The following WRN variants were observed in gnomAD, a reference collection of about 807,000 sequenced individuals.
The protein encoded by WRN is bifunctional 3'-5' exonuclease/ATP-dependent helicase WRN.
In WRN, 149 loss-of-function variants were observed where a neutral mutation model predicts 180.7. The observed-to-expected ratio is 0.82, with a 90% CI of 0.72 to 0.94. WRN has a LOEUF of 0.94. WRN is among the 40% of genes least tolerant of loss of function. The pLI, the probability that WRN is intolerant of heterozygous loss-of-function variation, is 0.00. For synonymous variants in WRN, 548 were observed against 568.9 expected (o/e 0.96, Z 0.52); for missense variants, 1,661 against 1,700.1 (o/e 0.98, Z 0.40).
In WRN at chr8:31,173,687, T is replaced by G. The variant is rs865888193; in HGVS notation, c.*585T>G. ...ATGGAGACCAATTGCACTAGGCAAG[T>G]GTATATTTTGTATTTTATATACAAT... is the stretch of plus-strand genomic sequence containing the variant. On this transcript the variant is annotated 3_prime_UTR_variant, in exon 35 of 35. Coordinates refer to ENST00000298139, the MANE Select transcript of WRN (RefSeq NM_000553.6). 1 of 164,138 alleles carries G rather than the reference T, an allele frequency of 6.1e-6. No individual in the cohort carries two copies. The highest frequency in any genetic ancestry group is 1.3e-5 in the Non-Finnish European group (1 of 75,386). 10.2% of individuals were successfully genotyped at this position (164,138 alleles called of 1,614,324 possible).
At chr8:31,122,108 T>A (rs1801745960) in intron 21 of WRN, among the ~76,000 whole-genome samples, 1 of 152,026 alleles carries the variant, frequency 6.6e-6, no homozygotes, top group Non-Finnish European at 1.5e-5. Context: ...AATGGTTATC[T>A]CATTAAGATT....
At chr8:31,102,064 T>C (rs1304411490) in intron 18 of WRN, among the ~76,000 whole-genome samples, 1 of 152,186 alleles carries the variant, frequency 6.6e-6, no homozygotes, top group Non-Finnish European at 1.5e-5. Flanking sequence ...AGTTTATTCC[T>C]ATTTCTCTAG....
chr8:31,057,510 G>C (rs1024905711), intron 1 of WRN, among the ~76,000 whole-genome samples: 1 of 152,110 alleles, frequency 6.6e-6, no homozygotes, highest in Non-Finnish European at 1.5e-5. Context: ...GGCAGATCTT[G>C]CAGAGAGCTG....
intron 29 of WRN, 85 bp from the exon 30 acceptor site, chr8:31,147,279 A>G: frequency 6.8e-7 from 1 of 1,473,604 alleles, no homozygotes; most frequent in Non-Finnish European, 9.5e-7. Flanking sequence ...TCTAAGGAAA[A>G]ATGTGGTATC....
intron 23 of WRN, among the ~76,000 whole-genome samples, chr8:31,127,189 TATA>T (rs1801959807): frequency 6.6e-6 from 1 of 152,194 alleles, no homozygotes; most frequent in South Asian, 2.1e-4. Context: ...ATTCCATTTA[TATA>T]ATAGTCTTTG....
At chr8:31,041,493 G>A (rs1278005137) in intron 1 of WRN, among the ~76,000 whole-genome samples, 1 of 152,112 alleles carries the variant, frequency 6.6e-6, no homozygotes, top group Non-Finnish European at 1.5e-5. Flanking sequence ...AAATATCTGG[G>A]CACCCCATGG....
intron 33 of WRN, among the ~76,000 whole-genome samples, chr8:31,158,968 T>C (rs747027109): frequency 1.4e-4 from 22 of 152,012 alleles, no homozygotes; most frequent in Admixed American, 4.6e-4. Flanking sequence ...ATGTTCTTAC[T>C]TACAAGCAGG....
intron 17 of WRN, among the ~76,000 whole-genome samples, chr8:31,097,277 G>A (rs1053100371): frequency 3.3e-5 from 5 of 151,924 alleles, no homozygotes; most frequent in Admixed American, 1.3e-4. Flanking sequence ...TAGTGGTTTT[G>A]TACCCTCTTT....
At chr8:31,152,142 TAA>T (rs763791351) in intron 31 of WRN, among the ~76,000 whole-genome samples, 3 of 152,070 alleles carry the variant, frequency 2.0e-5, no homozygotes, top group African/African-American at 4.8e-5. Flanking sequence ...TAATCTGAAA[TAA>T]TACTCTTAGG....
intron 1 of WRN, among the ~76,000 whole-genome samples, chr8:31,053,853 A>G (rs2129978363): frequency 1.3e-5 from 2 of 152,356 alleles, no homozygotes; most frequent in Admixed American, 1.3e-4. Context: ...ACAAAGCTTT[A>G]GTATTATTTT....
intron 1 of WRN, among the ~76,000 whole-genome samples, chr8:31,057,737 A>G (rs949999633): frequency 1.3e-5 from 2 of 151,578 alleles, no homozygotes; most frequent in Non-Finnish European, 2.9e-5. Flanking sequence ...CAAAACAAAT[A>G]TGTTCTGTTT....
chr8:31,067,417 C>A (rs1237676329), intron 6 of WRN, among the ~76,000 whole-genome samples: 2 of 152,000 alleles, frequency 1.3e-5, no homozygotes, highest in African/African-American at 4.8e-5. Context: ...GTCATGAAGC[C>A]AAATTAATGT....
intron 32 of WRN, among the ~76,000 whole-genome samples, chr8:31,155,902 TAAATA>T (rs1279317954): frequency 6.6e-6 from 1 of 152,220 alleles, no homozygotes; most frequent in Admixed American, 6.5e-5. Context: ...TCATTTAAAA[TAAATA>T]AGAATAAACA....
At chr8:31,062,350 G>A (rs938929297) in intron 3 of WRN, among the ~76,000 whole-genome samples, 4 of 151,158 alleles carry the variant, frequency 2.6e-5, no homozygotes, top group African/African-American at 9.7e-5. Flanking sequence ...AACAACAATA[G>A]ATAACAATAT....
At position 31,085,161 on chromosome 8, in the gene WRN, T is replaced by A. The variant is rs1813480093; in HGVS notation, c.1351-5T>A. 7.4e-6 allele frequency: 12 copies of A among 1,612,196 alleles called. No individual in the cohort carries two copies. The highest frequency in any genetic ancestry group is 2.2e-5 in the East Asian group (1 of 44,656). On this transcript the variant is annotated splice_region_variant and splice_polypyrimidine_tract_variant and intron_variant, in intron 10 of 34. Coordinates refer to ENST00000298139, the MANE Select transcript of WRN (RefSeq NM_000553.6). ...GAAATTAATGCTTAATACTTTTTTT[T>A]AAAGCATTTATCTCCCAATGATAAT...
chr8:31,103,218 G>C (rs775613752), intron 18 of WRN, among the ~76,000 whole-genome samples: 1 of 152,092 alleles, frequency 6.6e-6, no homozygotes, highest in Non-Finnish European at 1.5e-5. Flanking sequence ...GCCTGAGGCT[G>C]TTTTTCAGTT....
At chr8:31,154,503 AT>A in intron 31 of WRN, 120 bp from the exon 32 acceptor site, 1 of 1,197,998 alleles carries the variant, frequency 8.3e-7, no homozygotes, top group Non-Finnish European at 1.1e-6. Context: ...TAAAAAGGGA[AT>A]TATTTGTTGC....
intron 34 of WRN, among the ~76,000 whole-genome samples, chr8:31,170,745 C>T (rs1420410898): frequency 2.0e-5 from 3 of 152,114 alleles, no homozygotes; most frequent in South Asian, 2.1e-4. Flanking sequence ...AGGAAATAGA[C>T]ACTGGAAGGC....
At chr8:31,070,189 A>T (rs978563992) in intron 7 of WRN, among the ~76,000 whole-genome samples, 1 of 151,628 alleles carries the variant, frequency 6.6e-6, no homozygotes, top group African/African-American at 2.4e-5. Flanking sequence ...GCACCAACCT[A>T]ATAACTAAGA....
Sources: allele counts gnomAD v4.1 joint callset (sites outside exome capture counted in the v4.1 genomes callset), GRCh38; gene constraint gnomAD v4.1.1; transcripts MANE v1.5; gene names NCBI Gene and HGNC (gene_info 2026-07-23, HGNC 2026-07-21).